TTN: variants seen among roughly 807,000 people sequenced by gnomAD.
TTN encodes titin, also known as connectin.
TTN carries 1,525 observed loss-of-function variants against 3,223.0 expected under a neutral mutation model. That is an observed-to-expected ratio of 0.47 (90% CI 0.45 to 0.49). The LOEUF is 0.49. Ranked by LOEUF, TTN falls within the 20% of genes least tolerant of loss-of-function variation. The pLI is 0.00. For missense variants in TTN, 40,786 were observed against 43,424.0 expected (o/e 0.94, Z 5.40); for synonymous variants, 14,094 against 15,161.0 (o/e 0.93, Z 5.17).
chr2:178,745,113 T>C (rs1390118745), intron 47 of TTN: 2 of 988,808 alleles, frequency 2.0e-6, no homozygotes, highest in Non-Finnish European at 2.4e-6. Flanking sequence ...AAACATGAGT[T>C]TGGATGCAAA....
rs369559000 is a variant in TTN, at chr2:178,773,554, C to T, written c.7502G>A (p.Arg2501Gln). 67 of 1,613,864 alleles carry T rather than the reference C, an allele frequency of 4.2e-5. No homozygotes were observed. Among genetic ancestry groups the T allele is most frequent in the Middle Eastern group, 1.6e-4 (1 of 6,084 alleles). ...VQAIVKGTKQ[R>Q]LVINRTHASD... ...AGCATGAGTTCGGTTAATGACTAGT[C>T]GCTGTTTAGTACCTTTCACAATGGC... The change falls in exon 32 of 363, where the codon CGA becomes CAA. Residue 2501 changes from arginine to glutamine, a missense_variant. By Grantham distance (43) the Arg-to-Gln change is conservative. Coordinates refer to ENST00000589042, the MANE Select transcript of TTN (RefSeq NM_001267550.2).
chr2:178,767,141 T>C (rs1329776741), intron 40 of TTN, among the ~76,000 whole-genome samples: 2 of 152,196 alleles, frequency 1.3e-5, no homozygotes, highest in Non-Finnish European at 2.9e-5. Context: ...CTGTAAAGCC[T>C]GGTTTTCTTT....
rs368521019 is a variant in TTN at position 178,558,295 on chromosome 2, A to C, written c.87118+46T>G. On this transcript the variant is annotated intron_variant, in intron 327 of 362. Transcript: ENST00000589042. ...GTGTTTCTGAAAATTAACATAAATC[A>C]ATGCAAATAATTTCAAATTTTGCTT... 8.2e-6 allele frequency: 13 copies of C among 1,591,692 alleles called. No homozygotes were observed. In the African/African-American group the frequency reaches 1.6e-4, roughly 20 times the overall value.
chr2:178,787,700 A>T lies in TTN; in HGVS notation c.2077-1559T>A, dbSNP rs531113685. Among the ~76,000 whole-genome samples, 6 of 152,210 alleles carry T rather than the reference A, an allele frequency of 3.9e-5. No homozygotes were observed. In the East Asian group the frequency reaches 1.2e-3, roughly 29 times the overall value. ...CTGAAATATTTAAATTTTGTTCTTG[A>T]TTTTAAACATATGGAAAAATCTTAA... On this transcript the variant is annotated intron_variant, in intron 13 of 362. Transcript: ENST00000589042.
At position 178,558,173 on chromosome 2, in the gene TTN, T is replaced by A. The variant is rs755378840; in HGVS notation, c.87181A>T (p.Asn29061Tyr). The A allele has an allele frequency of 6.2e-7, 1 of 1,613,798 alleles. No individual in the cohort carries two copies. The highest frequency in any genetic ancestry group is 8.5e-7 in the Non-Finnish European group (1 of 1,179,834). Reference sequence around the variant, plus strand: ...GAGATTGGAATGTCAACTTTAAGGTTTGAACCAGCTCTAACATATACAGTG... The same window carrying A: ...GAGATTGGAATGTCAACTTTAAGGTATGAACCAGCTCTAACATATACAGTG... The part of the protein sequence containing the change: ...SHTVYVRAGS[N>Y]LKVDIPISGK... Residue 29061 changes from asparagine to tyrosine, a missense_variant, in exon 328 of 363, where the codon AAC becomes TAC. Asn to Tyr is a moderately radical substitution (Grantham distance 143, BLOSUM62 -2). Transcript: ENST00000589042.
rs780284047 is a variant in TTN at position 178,607,053 on chromosome 2, T to G, written c.53549A>C (p.Glu17850Ala). The part of the protein sequence containing the change: ...KNKFGCGPPV[E>A]IGPILAVDPL... Reference sequence around the variant, plus strand: ...ATCAACTGCAAGAATTGGTCCTATTTCAACAGGAGGGCCACAGCCAAACTT... The same window carrying G: ...ATCAACTGCAAGAATTGGTCCTATTGCAACAGGAGGGCCACAGCCAAACTT... The change falls in exon 278 of 363, where the codon GAA becomes GCA. Residue 17850 changes from glutamate (E) to alanine (A), a missense_variant. Physicochemically the swap from Glu to Ala is moderately radical, Grantham distance 107. Transcript: ENST00000589042. 1.9e-6 allele frequency: 3 copies of G among 1,611,628 alleles called. No individual in the cohort carries two copies. Among genetic ancestry groups the G allele is most frequent in the Non-Finnish European group, 1.7e-6 (2 of 1,178,912 alleles).
Position 178,617,112 on chromosome 2 carries a change from C to T in TTN, c.47875+8G>A, listed in dbSNP as rs144688960. The stretch of plus-strand genomic sequence containing the variant: ...ATTCCCCGATCTAAAAATAAAATAT[C>T]TATTTACCAAATGCATCGTCAGCGG... On this transcript the variant is annotated splice_region_variant and intron_variant, in intron 255 of 362. Coordinates refer to ENST00000589042, the MANE Select transcript of TTN (RefSeq NM_001267550.2). 2 of 1,610,256 alleles carry T rather than the reference C, an allele frequency of 1.2e-6. No individual in the cohort carries two copies. Among genetic ancestry groups the T allele is most frequent in the Admixed American group, 1.7e-5 (1 of 59,652 alleles).
rs745782442 is a variant in TTN at position 178,635,225 on chromosome 2, G to C, written c.41964C>G (p.Ile13988Met). 6.2e-7 allele frequency: 1 copy of C among 1,613,294 alleles called. No individual in the cohort carries two copies. The highest frequency in any genetic ancestry group is 1.1e-5 in the South Asian group (1 of 91,052). Reference protein sequence around the residue: ...EKESASFDAEISEADIPGQWK... With the variant: ...EKESASFDAEMSEADIPGQWK... ...ATTGTCCAGGAATGTCTGCCTCTGA[G>C]ATTTCTGCATCAAAGCTTGCACTTT... The change falls in exon 228 of 363, where the codon ATC (isoleucine) becomes ATG (methionine). Residue 13988 changes from isoleucine to methionine, a missense_variant. Ile to Met is a conservative substitution (Grantham distance 10). Coordinates refer to ENST00000589042, the MANE Select transcript of TTN (RefSeq NM_001267550.2).
At position 178,614,712 on chromosome 2, in the gene TTN, G is replaced by T. The variant is rs1474027032; in HGVS notation, c.48802C>A (p.Leu16268Ile). The T allele has an allele frequency of 5.8e-5, 94 of 1,611,352 alleles. No homozygotes were observed. The highest frequency in any genetic ancestry group is 7.7e-5 in the Non-Finnish European group (91 of 1,178,778). ...IFLDVKLLAG[L>I]TVKAGTKIEL... ...ATCTTGGTCCCAGCTTTTACAGTGA[G>T]ACCAGCAAGGAGCTTCACATCGAGG... is the stretch of plus-strand genomic sequence containing the variant. Residue 16268 changes from leucine to isoleucine, a missense_variant, in exon 261 of 363, where the codon CTC becomes ATC. Transcript: ENST00000589042.
chr2:178,688,270 G>A, intron 126 of TTN, 46 bp from the exon 127 acceptor site: 1 of 1,534,352 alleles, frequency 6.5e-7, no homozygotes, highest in Non-Finnish European at 9.0e-7. Context: ...CTGAGATACA[G>A]ATGTATATAC....
At chr2:178,553,437 C>G in intron 334 of TTN, 41 bp from the exon 335 acceptor site, 1 of 1,565,884 alleles carries the variant, frequency 6.4e-7, no homozygotes, top group South Asian at 1.2e-5. Context: ...ATTTTAAAAG[C>G]AAAAAAGAGT....
Position 178,770,440 on chromosome 2 carries a change from A to T in TTN, c.8352T>A (p.Leu2784=). The change falls in exon 35 of 363, where the codon CTT becomes CTA. Residue 2784 remains leucine (L), a synonymous_variant. Coordinates refer to ENST00000589042, the MANE Select transcript of TTN (RefSeq NM_001267550.2). Reference sequence around the variant, plus strand: ...CCACGTGCAGTCTGGCACTGGCTCCAAGCCTTCCAAGCCTGAAGCCATAAA... The same window carrying T: ...CCACGTGCAGTCTGGCACTGGCTCCTAGCCTTCCAAGCCTGAAGCCATAAA... The part of the protein sequence containing the change: ...ESVYGFRLGR[L]GASARLHVET... The T allele has an allele frequency of 6.2e-7, 1 of 1,614,152 alleles. No individual in the cohort carries two copies. The highest frequency in any genetic ancestry group is 8.5e-7 in the Non-Finnish European group (1 of 1,180,016).
intron 96 of TTN, among the ~76,000 whole-genome samples, chr2:178,711,576 C>A (rs143020308): frequency 4.6e-5 from 7 of 152,082 alleles, no homozygotes; most frequent in Non-Finnish European, 7.4e-5. Context: ...GTATGAAAAC[C>A]AATAAAGCAA....
rs755656287 is a variant in TTN, at chr2:178,669,663, G to A, written c.35399C>T (p.Pro11800Leu). The change falls in exon 158 of 363, where the codon CCC becomes CTC. Residue 11800 changes from proline to leucine, a missense_variant. By Grantham distance (98) the Pro-to-Leu change is moderately conservative (BLOSUM62 -3). Transcript: ENST00000589042. Reference sequence around the variant, plus strand: ...TTTTTCTTCTGGGACAATTTTCTTGGGTACTTCGGGTGCTTTAAAGATATT... The same window carrying A: ...TTTTTCTTCTGGGACAATTTTCTTGAGTACTTCGGGTGCTTTAAAGATATT... ...RVPPTKAPEV[P>L]KKIVPEEKVR... is the part of the protein sequence containing the mutation. 1 of 1,612,036 alleles carries A rather than the reference G, an allele frequency of 6.2e-7. No individual in the cohort carries two copies. Among genetic ancestry groups the A allele is most frequent in the East Asian group, 2.2e-5 (1 of 44,804 alleles).
In TTN at chr2:178,546,601, G is replaced by A. The variant is rs771635198; in HGVS notation, c.94827C>T (p.Tyr31609=). 28 of 1,607,208 alleles carry A rather than the reference G, an allele frequency of 1.7e-5. No homozygotes were observed. The Admixed American group carries it at 1.8e-4, about 11-fold the overall frequency. The stretch of plus-strand genomic sequence containing the variant: ...AGGAGAATGTTGACTATTTCCTACC[G>A]TATTCATCTCGGCAAGTGACAGGGC... ...STGPVTCRDE[Y]APPKAELDAR... The change falls in exon 341 of 363, where the codon TAC becomes TAT. Residue 31609 remains tyrosine, a splice_region_variant and synonymous_variant. Coordinates refer to ENST00000589042, the MANE Select transcript of TTN (RefSeq NM_001267550.2).
chr2:178,786,181 G>T (rs759467331), intron 13 of TTN, 40 bp from the exon 14 acceptor site: 1 of 1,605,496 alleles, frequency 6.2e-7, no homozygotes, highest in Admixed American at 1.7e-5. Context: ...TAGGAATATC[G>T]AGATCAGGCT....
In TTN at chr2:178,704,881, G is replaced by C. The variant is rs933913351; in HGVS notation, c.29690C>G (p.Thr9897Arg). ...VSFIQQRLSQ[T>R]EPVTLIKDIE... is the part of the protein sequence containing the mutation. ...TATCAACATAATTCTTTTTACCTCT[G>C]TCTGTGACAGTCTTTGCTGAATAAA... The change falls in exon 104 of 363, where the codon ACA (threonine) becomes AGA (arginine). Residue 9897 changes from threonine (T) to arginine (R), a missense_variant. Thr to Arg is a moderately conservative substitution (Grantham distance 71). Coordinates refer to ENST00000589042, the MANE Select transcript of TTN (RefSeq NM_001267550.2). 1 of 1,613,214 alleles carries C rather than the reference G, an allele frequency of 6.2e-7. No individual in the cohort carries two copies. Among genetic ancestry groups the C allele is most frequent in the Non-Finnish European group, 8.5e-7 (1 of 1,179,718 alleles).
At chr2:178,751,173 A>T in intron 47 of TTN, 1 of 1,611,740 alleles carries the variant, frequency 6.2e-7, no homozygotes, top group Non-Finnish European at 8.5e-7. Flanking sequence ...TCTCTAGAGA[A>T]CAGAATATCT....
At chr2:178,698,692 T>C in intron 112 of TTN, 151 bp downstream of exon 112, 2 of 707,172 alleles carry the variant, frequency 2.8e-6, no homozygotes, top group East Asian at 5.9e-5. Flanking sequence ...GAGTGAGGAC[T>C]GAGTCAAAGA....
Sources: gnomAD v4.1 joint callset for allele counts (sites outside exome capture counted in the v4.1 genomes callset) on GRCh38, gnomAD v4.1.1 for gene constraint, MANE v1.5 for transcripts, NCBI Gene and HGNC (gene_info 2026-07-23, HGNC 2026-07-21) for gene names.